MKLN1: variants seen among roughly 807,000 people sequenced by gnomAD.
The protein encoded by MKLN1 is muskelin 1.
Under a neutral mutation model 99.0 loss-of-function variants are expected in MKLN1, and 18 were observed. That is an observed-to-expected ratio of 0.18 (90% confidence interval 0.13 to 0.27). The LOEUF is 0.27. MKLN1 is among the 10% of genes least tolerant of loss of function. MKLN1 has a pLI of 1.00. For synonymous variants in MKLN1, 288 were observed against 293.2 expected (o/e 0.98, Z 0.18); for missense variants, 621 against 875.9 (o/e 0.71, Z 3.67).
At chr7:131,362,786 T>C (rs1332322913) in intron 1 of MKLN1, among the ~76,000 whole-genome samples, 1 of 152,014 alleles carries the variant, frequency 6.6e-6, no homozygotes, top group African/African-American at 2.4e-5. Flanking sequence ...TAGACAGATA[T>C]TTCAAACTGT....
intron 3 of MKLN1, among the ~76,000 whole-genome samples, chr7:131,279,780 C>T (rs1394494040): frequency 6.6e-6 from 1 of 152,132 alleles, no homozygotes; most frequent in Non-Finnish European, 1.5e-5. Context: ...GCATTCCAGC[C>T]TAGGTGACAG....
intron 1 of MKLN1, among the ~76,000 whole-genome samples, chr7:131,331,119 T>A (rs1799061100): frequency 6.6e-6 from 1 of 152,218 alleles, no homozygotes. Flanking sequence ...GCACCTAATA[T>A]ATGCAAGATG....
intron 10 of MKLN1, among the ~76,000 whole-genome samples, chr7:131,439,923 C>G (rs918923529): frequency 6.7e-6 from 1 of 149,718 alleles, no homozygotes; most frequent in Non-Finnish European, 1.5e-5. Context: ...CACACAGTCT[C>G]TCTCTCTCAG....
chr7:131,485,597 G>C (rs1047987471), intron 17 of MKLN1, among the ~76,000 whole-genome samples: 1 of 152,058 alleles, frequency 6.6e-6, no homozygotes, highest in Non-Finnish European at 1.5e-5. Flanking sequence ...GATGATCAAA[G>C]TTAACATCAT....
At chr7:131,218,526 G>A (rs1009190204) in intron 3 of MKLN1, among the ~76,000 whole-genome samples, 3 of 152,194 alleles carry the variant, frequency 2.0e-5, no homozygotes, top group African/African-American at 4.8e-5. Flanking sequence ...CTTGGAATGA[G>A]CAAGTTAGCC....
Position 131,411,364 on chromosome 7 carries a change from C to T in MKLN1, c.762C>T (p.Ile254=). The T allele has an allele frequency of 6.2e-7, 1 of 1,610,012 alleles. No individual in the cohort carries two copies. The change falls in exon 7 of 18, where the codon ATC becomes ATT. Residue 254 remains isoleucine, a synonymous_variant. Transcript: ENST00000352689. The stretch of plus-strand genomic sequence containing the variant: ...AATATAAGCCACGATGGAGTCAAAT[C>T]ATTCCCAAAAGTACCAAAGGTAAGC... ...QQEYKPRWSQ[I]IPKSTKGDGE...
intron 3 of MKLN1, among the ~76,000 whole-genome samples, chr7:131,243,806 G>T (rs1413297738): frequency 6.6e-6 from 1 of 152,130 alleles, no homozygotes; most frequent in Non-Finnish European, 1.5e-5. Context: ...CTGAAATCAG[G>T]AGTTCAAGAC....
At chr7:131,400,518 A>AAAAATATATATATATAT (rs527702723) in intron 6 of MKLN1, among the ~76,000 whole-genome samples, 4 of 137,432 alleles carry the variant, frequency 2.9e-5, no homozygotes, top group African/African-American at 1.1e-4. Context: ...ATAAAAAAAA[A>AAAAATATATATATATAT]ATATATATAT....
At chr7:131,168,464 T>A (rs895463766) in intron 2 of MKLN1, among the ~76,000 whole-genome samples, 10 of 152,238 alleles carry the variant, frequency 6.6e-5, no homozygotes, top group Non-Finnish European at 1.2e-4. Flanking sequence ...GGATTGAGGC[T>A]AAGCCACCAT....
At chr7:131,309,721 A>AGTTTTTTTTT (rs1798528622) in intron 3 of MKLN1, 2 of 87,520 alleles carry the variant, frequency 2.3e-5, no homozygotes, top group African/African-American at 4.2e-5. Flanking sequence ...CCACAAGTGG[A>AGTTTTTTTTT]TTTTTTTTTT....
intron 3 of MKLN1, among the ~76,000 whole-genome samples, chr7:131,312,032 G>A (rs545851334): frequency 1.3e-5 from 2 of 151,690 alleles, no homozygotes; most frequent in East Asian, 3.9e-4. Flanking sequence ...TTGTTTGTTT[G>A]TTTGTTTTAG....
intron 2 of MKLN1, among the ~76,000 whole-genome samples, chr7:131,167,670 TC>T (rs1396063590): frequency 1.4e-5 from 1 of 72,032 alleles, no homozygotes; most frequent in Non-Finnish European, 2.7e-5. Flanking sequence ...AGACTCTGTC[TC>T]AAAAAAAAAA....
At chr7:131,330,972 A>T (rs1799056143) in intron 1 of MKLN1, among the ~76,000 whole-genome samples, 1 of 152,174 alleles carries the variant, frequency 6.6e-6, no homozygotes, top group Non-Finnish European at 1.5e-5. Flanking sequence ...ACCTAATTTA[A>T]TAATTAAATA....
chr7:131,374,790 A>AT (rs1020677052), intron 1 of MKLN1, among the ~76,000 whole-genome samples: 8 of 152,218 alleles, frequency 5.3e-5, no homozygotes, highest in South Asian at 4.1e-4. Flanking sequence ...ATGTATAAAA[A>AT]ATATATATAT....
intron 1 of MKLN1, among the ~76,000 whole-genome samples, chr7:131,337,197 A>G (rs13238544): frequency 0.17 from 26,514 of 152,026 alleles, 2,906 homozygotes; most frequent in Admixed American, 0.32. Context: ...GCACCTAAGA[A>G]TGGTTTTGTT....
intron 2 of MKLN1, among the ~76,000 whole-genome samples, chr7:131,146,291 A>G (rs1049011289): frequency 1.3e-4 from 20 of 152,212 alleles, no homozygotes; most frequent in African/African-American, 4.6e-4. Flanking sequence ...GCAGTGAGCT[A>G]TGATCATGCC....
At chr7:131,375,284 TTTCTTACTCTGTTTTGTTTTCTATTCTTA>T in intron 1 of MKLN1, 111 bp from the exon 2 acceptor site, 2 of 586,926 alleles carry the variant, frequency 3.4e-6, no homozygotes, top group Non-Finnish European at 6.1e-6. Flanking sequence ...TTTCTGTGCT[TTTCTTACTCTGTTTTGTTTTCTATTCTTA>T]TTCAAGTTCC....
chr7:131,113,875 CG>C (rs1164477892), intron 1 of MKLN1, among the ~76,000 whole-genome samples: 2 of 151,928 alleles, frequency 1.3e-5, no homozygotes, highest in Admixed American at 6.6e-5. Flanking sequence ...AGAGAGCTTG[CG>C]GGGGAAACTG....
At position 131,149,321 on chromosome 7, in the gene MKLN1, A is replaced by G. The variant is rs551220445; in HGVS notation, c.-297+6380A>G. 2.0e-5 allele frequency among the ~76,000 whole-genome samples: 3 copies of G among 152,290 alleles called. No individual in the cohort carries two copies. In the East Asian group the frequency reaches 5.8e-4, roughly 29 times the overall value. On this transcript the variant is annotated intron_variant, in intron 2 of 7. Transcript: ENST00000416992. The stretch of plus-strand genomic sequence containing the variant: ...ACTTCAAGTCCACTTACAAAGTATC[A>G]TGTAACCTGTCTTTATGTCTCCACA...
Sources: gnomAD v4.1 joint callset for allele counts (sites outside exome capture counted in the v4.1 genomes callset) on GRCh38, gnomAD v4.1.1 for gene constraint, MANE v1.5 for transcripts, NCBI Gene and HGNC (gene_info 2026-07-23, HGNC 2026-07-21) for gene names.